GLCE: variants seen among roughly 807,000 people sequenced by gnomAD.
GLCE encodes D-glucuronyl C5-epimerase.
Under a neutral mutation model 47.9 loss-of-function variants are expected in GLCE, and 19 were observed. The observed-to-expected ratio is 0.40, with a 90% confidence interval of 0.28 to 0.58. GLCE has a LOEUF of 0.58. Ranked by LOEUF, GLCE falls within the 20% of genes least tolerant of loss-of-function variation. The pLI, the probability that GLCE is intolerant of heterozygous loss-of-function variation, is 0.48. For missense variants in GLCE, 556 were observed against 743.3 expected (o/e 0.75, Z 2.93); for synonymous variants, 245 against 263.4 (o/e 0.93, Z 0.68).
intron 1 of GLCE, among the ~76,000 whole-genome samples, chr15:69,191,785 G>A (rs2051916923): frequency 6.6e-6 from 1 of 152,100 alleles, no homozygotes; most frequent in South Asian, 2.1e-4. Flanking sequence ...ACCAGCCAAG[G>A]CCTAACCTTA....
chr15:69,185,017 G>T (rs1313629670), intron 1 of GLCE, among the ~76,000 whole-genome samples: 4 of 152,184 alleles, frequency 2.6e-5, no homozygotes, highest in African/African-American at 9.7e-5. Flanking sequence ...AGTTCTCCCA[G>T]TTTTTGCCAC....
chr15:69,235,839 G>A (rs577690792), intron 2 of GLCE, among the ~76,000 whole-genome samples: 1 of 152,236 alleles, frequency 6.6e-6, no homozygotes, highest in East Asian at 1.9e-4. Flanking sequence ...AAAATTTATA[G>A]TTGGATGAGT....
At chr15:69,250,890 T>C (rs1047338587) in intron 2 of GLCE, among the ~76,000 whole-genome samples, 7 of 151,722 alleles carry the variant, frequency 4.6e-5, no homozygotes, top group Admixed American at 1.3e-4. Flanking sequence ...AATAAGATAA[T>C]ACTAAATGTG....
chr15:69,210,950 A>T (rs1204487936), intron 2 of GLCE, among the ~76,000 whole-genome samples: 1 of 152,120 alleles, frequency 6.6e-6, no homozygotes, highest in Non-Finnish European at 1.5e-5. Context: ...TGGCCTAGAA[A>T]ACTGAAGCAG....
chr15:69,171,187 C>A (rs555947856), intron 1 of GLCE, among the ~76,000 whole-genome samples: 1 of 152,042 alleles, frequency 6.6e-6, no homozygotes, highest in Non-Finnish European at 1.5e-5. Context: ...AAACCAATCA[C>A]CCTCAATATA....
intron 2 of GLCE, among the ~76,000 whole-genome samples, chr15:69,230,751 GTTGTTATTA>G (rs2052511307): frequency 6.6e-6 from 1 of 152,194 alleles, no homozygotes; most frequent in South Asian, 2.1e-4. Flanking sequence ...TTTGTGTCCT[GTTGTTATTA>G]TAGCAAATTA....
At chr15:69,171,681 C>G (rs986855439) in intron 1 of GLCE, among the ~76,000 whole-genome samples, 1 of 152,146 alleles carries the variant, frequency 6.6e-6, no homozygotes, top group Non-Finnish European at 1.5e-5. Flanking sequence ...CAGGCGTGAG[C>G]CACCGCGCCC....
intron 1 of GLCE, among the ~76,000 whole-genome samples, chr15:69,170,742 A>T (rs1387661085): frequency 2.0e-5 from 3 of 152,244 alleles, no homozygotes; most frequent in African/African-American, 7.2e-5. Flanking sequence ...AAGGAAGAAA[A>T]GCAGGGTCTG....
intron 2 of GLCE, among the ~76,000 whole-genome samples, chr15:69,216,106 A>G (rs1021018532): frequency 1.3e-5 from 2 of 152,160 alleles, no homozygotes; most frequent in African/African-American, 4.8e-5. Flanking sequence ...TGATAATTTT[A>G]TTGTTGTCTA....
intron 2 of GLCE, among the ~76,000 whole-genome samples, chr15:69,215,582 A>T (rs1474745009): frequency 7.3e-5 from 11 of 151,672 alleles, no homozygotes; most frequent in Non-Finnish European, 1.5e-4. Flanking sequence ...GTGTGTATAC[A>T]TAAGTTTTCA....
intron 1 of GLCE, among the ~76,000 whole-genome samples, chr15:69,192,095 G>T (rs1387234415): frequency 1.3e-5 from 2 of 152,038 alleles, no homozygotes; most frequent in African/African-American, 4.8e-5. Flanking sequence ...GGAACTGTGG[G>T]TTTGTAGTTT....
At chr15:69,206,163 A>G (rs944192654) in intron 1 of GLCE, among the ~76,000 whole-genome samples, 7 of 152,020 alleles carry the variant, frequency 4.6e-5, no homozygotes, top group African/African-American at 1.7e-4. Flanking sequence ...AGTTCTGAGT[A>G]CTAGTACCAG....
chr15:69,181,374 A>G (rs566076002), intron 1 of GLCE, among the ~76,000 whole-genome samples: 57 of 152,348 alleles, frequency 3.7e-4, no homozygotes, highest in African/African-American at 1.3e-3. Flanking sequence ...GCGAAGGTCC[A>G]GGACAGAGAT....
intron 2 of GLCE, among the ~76,000 whole-genome samples, chr15:69,219,846 C>T (rs1187374254): frequency 2.6e-5 from 4 of 151,986 alleles, no homozygotes; most frequent in Non-Finnish European, 5.9e-5. Context: ...TCTTGTAAAC[C>T]TGAAACTCTG....
intron 2 of GLCE, among the ~76,000 whole-genome samples, chr15:69,240,491 T>C (rs1249000394): frequency 6.6e-6 from 1 of 152,004 alleles, no homozygotes; most frequent in Non-Finnish European, 1.5e-5. Flanking sequence ...TGTGGAGTCT[T>C]TGGAGTGAGA....
At chr15:69,218,570 G>A (rs1486083998) in intron 2 of GLCE, among the ~76,000 whole-genome samples, 4 of 152,054 alleles carry the variant, frequency 2.6e-5, no homozygotes, top group Non-Finnish European at 4.4e-5. Context: ...CCTGTGGGAG[G>A]GAAACTAATA....
chr15:69,197,992 A>G (rs1341758275), intron 1 of GLCE, among the ~76,000 whole-genome samples: 4 of 152,178 alleles, frequency 2.6e-5, no homozygotes, highest in Non-Finnish European at 5.9e-5. Context: ...CAAAGTGACC[A>G]TTGTATTTCT....
chr15:69,174,504 G>T (rs900969862), intron 1 of GLCE, among the ~76,000 whole-genome samples: 7 of 152,156 alleles, frequency 4.6e-5, no homozygotes, highest in Non-Finnish European at 8.8e-5. Context: ...CAGCTACTCA[G>T]GAGGCTGAAG....
chr15:69,253,292 T>C lies in GLCE; in HGVS notation c.-13-2502T>C, dbSNP rs117203773. Among the ~76,000 whole-genome samples, 7 of 152,376 alleles carry C rather than the reference T, an allele frequency of 4.6e-5. No homozygotes were observed. In the East Asian group the frequency reaches 1.3e-3, roughly 29 times the overall value. Reference sequence around the variant, plus strand: ...ACAAAAGAGAAAACACCATCTTCTTTCTGGCATTTGAAAGGTCTGCTGGCT... The same window carrying C: ...ACAAAAGAGAAAACACCATCTTCTTCCTGGCATTTGAAAGGTCTGCTGGCT... On this transcript the variant is annotated intron_variant, in intron 2 of 4. Coordinates refer to ENST00000261858, the MANE Select transcript of GLCE (RefSeq NM_015554.3).
Sources: gnomAD v4.1 joint callset for allele counts (sites outside exome capture counted in the v4.1 genomes callset) on GRCh38, gnomAD v4.1.1 for gene constraint, MANE v1.5 for transcripts, NCBI Gene and HGNC (gene_info 2026-07-23, HGNC 2026-07-21) for gene names.